OTUD5: variants seen among roughly 807,000 people sequenced by gnomAD.
OTUD5 encodes the protein OTU domain-containing protein 5.
In OTUD5, 2 loss-of-function variants were observed where a neutral mutation model predicts 36.3. The ratio of observed to expected loss-of-function variants is 0.06; its 90% CI spans 0.02 to 0.17. The LOEUF (loss-of-function observed/expected upper bound fraction) is 0.17. Among genes scored for constraint, OTUD5 ranks in the 10% least tolerant of loss-of-function variants. The pLI is 1.00. For missense variants in OTUD5, 233 were observed against 512.3 expected (o/e 0.45, Z 5.26); for synonymous variants, 234 against 214.9 (o/e 1.09, Z -0.78).
chrX:48,945,904 C>A (rs1206219247), intron 1 of OTUD5, among the ~76,000 whole-genome samples: 1 of 110,985 alleles, frequency 9.0e-6, no homozygotes, highest in East Asian at 2.8e-4. Context: ...CAAAACAAAA[C>A]CAACCAGAAG....
intron 6 of OTUD5, among the ~76,000 whole-genome samples, chrX:48,925,429 G>C (rs186920307): frequency 9.1e-6 from 1 of 109,916 alleles, no homozygotes; most frequent in African/African-American, 3.3e-5. Flanking sequence ...AAGACTAACC[G>C]GAGCCCCCAC....
intron 1 of OTUD5, among the ~76,000 whole-genome samples, chrX:48,946,235 T>C (rs1472033036): frequency 8.9e-6 from 1 of 112,306 alleles, no homozygotes; most frequent in African/African-American, 3.2e-5. Context: ...GCCACACACT[T>C]GCTGTCTGTT....
In OTUD5 at chrX:48,955,389, T is replaced by C. The variant is rs142014246; in HGVS notation, c.594+1588A>G. On this transcript the variant is annotated intron_variant, in intron 1 of 8. Coordinates refer to ENST00000376488, the MANE Select transcript of OTUD5 (RefSeq NM_001136157.2). Reference sequence around the variant, plus strand: ...CTGTTCCACAGGGATCCTTTATCCATGCCCCAAGGGAAGAGTCTCAGGGCT... The same window carrying C: ...CTGTTCCACAGGGATCCTTTATCCACGCCCCAAGGGAAGAGTCTCAGGGCT... Among the ~76,000 whole-genome samples, 809 of 111,357 alleles carry C rather than the reference T, an allele frequency of 7.3e-3. 4 individuals are homozygous for C. The highest frequency in any genetic ancestry group is 0.012 in the Non-Finnish European group (624 of 52,885).
In OTUD5 at chrX:48,935,023, G is replaced by C; in HGVS notation, c.689-5C>G. ...GGTCTCCATACACCTGGTCAGCTGT[G>C]GGGGCAGAAGAAAGCAGCAGCTAGG... On this transcript the variant is annotated splice_polypyrimidine_tract_variant and splice_region_variant and intron_variant, in intron 2 of 8. Coordinates refer to ENST00000376488, the MANE Select transcript of OTUD5 (RefSeq NM_001136157.2). 1 of 1,206,009 alleles carries C rather than the reference G, an allele frequency of 8.3e-7. No individual in the cohort carries two copies. Among genetic ancestry groups the C allele is most frequent in the South Asian group, 1.8e-5 (1 of 56,737 alleles).
chrX:48,930,001 G>A (rs1315539749), intron 5 of OTUD5, among the ~76,000 whole-genome samples: 1 of 109,840 alleles, frequency 9.1e-6, no homozygotes, highest in Non-Finnish European at 1.9e-5. Flanking sequence ...CTTCTCGGGA[G>A]GCTGAGGCAG....
chrX:48,922,192 CAGA>C lies in OTUD5; in HGVS notation c.*979_*981del. The C allele has an allele frequency of 8.9e-6, 1 of 112,145 alleles. No individual in the cohort carries two copies. The highest frequency in any genetic ancestry group is 2.8e-4 in the East Asian group (1 of 3,565). The allele number at this position is 112,145 out of a possible 1,213,427, so 9.2% of individuals were successfully genotyped here. On this transcript the variant is annotated 3_prime_UTR_variant, in exon 9 of 9. Coordinates refer to ENST00000376488, the MANE Select transcript of OTUD5 (RefSeq NM_001136157.2). ...AGGCCCGCCCAACCCCTGCCCCACACAGAACAGAGTCGCTCAGGGAAACTGACA... is the reference window on the plus strand; with the variant it reads ...AGGCCCGCCCAACCCCTGCCCCACACACAGAGTCGCTCAGGGAAACTGACA...
chrX:48,945,293 T>C (rs1357554327), intron 1 of OTUD5, among the ~76,000 whole-genome samples: 3 of 91,947 alleles, frequency 3.3e-5, no homozygotes, highest in Non-Finnish European at 6.4e-5. Flanking sequence ...TTTTTTGAGA[T>C]GCAGTCTCAC....
At chrX:48,954,559 C>T (rs1464866085) in intron 1 of OTUD5, among the ~76,000 whole-genome samples, 1 of 111,067 alleles carries the variant, frequency 9.0e-6, no homozygotes, top group Non-Finnish European at 1.9e-5. Context: ...AATGGCTTAT[C>T]GTGCCAGAAT....
At chrX:48,935,866 G>C (rs1442341184) in intron 2 of OTUD5, among the ~76,000 whole-genome samples, 1 of 102,700 alleles carries the variant, frequency 9.7e-6, no homozygotes, top group Non-Finnish European at 2.0e-5. Flanking sequence ...TTGAACCCAG[G>C]AGGCAGAGGT....
chrX:48,957,405 C>T lies in OTUD5; in HGVS notation c.166G>A (p.Val56Ile). 1 of 1,090,973 alleles carries T rather than the reference C, an allele frequency of 9.2e-7. No homozygotes were observed. The highest frequency in any genetic ancestry group is 1.2e-6 in the Non-Finnish European group (1 of 842,303). The allele number at this position is 1,090,973 out of a possible 1,213,427, so 89.9% of individuals were successfully genotyped here. A position where few individuals can be genotyped will look rare whatever the true frequency, so the allele number is the denominator to read the frequency against. The change falls in exon 1 of 9, where the codon GTC becomes ATC. Residue 56 changes from valine to isoleucine, a missense_variant. Physicochemically the swap from Val to Ile is conservative, Grantham distance 29. Around this residue, in one of 3 missense-constraint regions of OTUD5, gnomAD observed 155 missense variants for 217.2 expected, o/e 0.71. Coordinates refer to ENST00000376488, the MANE Select transcript of OTUD5 (RefSeq NM_001136157.2). The part of the protein sequence containing the change: ...GGGDRDRDSG[V>I]VGARPRASPP... ...GAAGCTCGCGGACGGGCCCCCACGA[C>T]GCCGGAGTCACGGTCGCGATCGCCG...
chrX:48,954,751 T>C (rs1161916477), intron 1 of OTUD5, among the ~76,000 whole-genome samples: 1 of 111,770 alleles, frequency 8.9e-6, no homozygotes, highest in Non-Finnish European at 1.9e-5. Context: ...TCAAAAGCAG[T>C]TCAAAACTTA....
intron 1 of OTUD5, among the ~76,000 whole-genome samples, chrX:48,951,056 A>G (rs781850328): frequency 9.6e-6 from 1 of 103,811 alleles, no homozygotes; most frequent in Non-Finnish European, 1.9e-5. Flanking sequence ...GTTAGAATTA[A>G]GGCAGCAGGG....
intron 5 of OTUD5, among the ~76,000 whole-genome samples, chrX:48,933,910 A>G (rs1425377610): frequency 1.8e-5 from 2 of 109,971 alleles, no homozygotes; most frequent in South Asian, 3.9e-4. Flanking sequence ...AAATGACTGT[A>G]AGAGAGAGAG....
chrX:48,923,019 G>T lies in OTUD5; in HGVS notation c.*155C>A. The T allele has an allele frequency of 1.6e-5, 18 of 1,126,911 alleles. No individual in the cohort carries two copies. Among genetic ancestry groups the T allele is most frequent in the Non-Finnish European group, 2.1e-5 (18 of 855,250 alleles). The allele number at this position is 1,126,911 out of a possible 1,213,427, so 92.9% of individuals were successfully genotyped here. ...GCAGCGGCAATGAGAGAGAGTGCAG[G>T]GGTGGGCTAGCCAGAGGGAAGTGAG... On this transcript the variant is annotated 3_prime_UTR_variant, in exon 9 of 9. Transcript: ENST00000376488.
upstream of OTUD5, chrX:48,958,188 G>C (rs917726003): frequency 8.8e-6 from 1 of 113,131 alleles, no homozygotes; most frequent in Non-Finnish European, 1.9e-5. Context: ...CTTTCTCCCC[G>C]TCAGTTCCGT....
At chrX:48,923,534 TG>T in intron 8 of OTUD5, 98 bp downstream of exon 8, 1 of 647,310 alleles carries the variant, frequency 1.5e-6, no homozygotes, top group Non-Finnish European at 2.4e-6. Flanking sequence ...CTTGGGGAGA[TG>T]GCCAGAGGCT....
chrX:48,946,249 A>G (rs1557052386), intron 1 of OTUD5, among the ~76,000 whole-genome samples: 1 of 111,679 alleles, frequency 9.0e-6, no homozygotes, highest in Admixed American at 9.5e-5. Flanking sequence ...GTCTGTTATC[A>G]CTCTCAGTTT....
chrX:48,922,782 C>G lies in OTUD5; in HGVS notation c.*392G>C. On this transcript the variant is annotated 3_prime_UTR_variant, in exon 9 of 9. Transcript: ENST00000376488. The stretch of plus-strand genomic sequence containing the variant: ...GGGGGTGGCGGCAAGTTTTTCTCAT[C>G]TTGGAAGGAATGAGGGGCAGGGAGA... The G allele has an allele frequency of 2.6e-6, 2 of 769,772 alleles. No homozygotes were observed. The highest frequency in any genetic ancestry group is 3.1e-6 in the Non-Finnish European group (2 of 649,567). 63.4% of individuals were successfully genotyped at this position (769,772 alleles called of 1,213,427 possible). A position where few individuals can be genotyped will look rare whatever the true frequency, so the allele number is the denominator to read the frequency against.
intron 1 of OTUD5, 145 bp from the exon 2 acceptor site, chrX:48,944,428 T>C (rs1252724832): frequency 4.5e-6 from 2 of 446,060 alleles, no homozygotes; most frequent in African/African-American, 2.4e-5. Flanking sequence ...GACCACTCCA[T>C]GCATGTGAAG....
Sources: allele counts gnomAD v4.1 joint callset (sites outside exome capture counted in the v4.1 genomes callset), GRCh38; gene constraint gnomAD v4.1.1; regional missense constraint gnomAD v4.1.1; transcripts MANE v1.5; gene names NCBI Gene and HGNC (gene_info 2026-07-23, HGNC 2026-07-21).